Variants in DIS3L2 observed in about 807,000 individuals in gnomAD.
DIS3L2 encodes the protein DIS3 like 3'-5' exoribonuclease 2.
Under a neutral mutation model 97.5 loss-of-function variants are expected in DIS3L2, and 34 were observed. The observed-to-expected ratio is 0.35, with a 90% CI of 0.27 to 0.46. The LOEUF is 0.46. DIS3L2 is among the 20% of genes least tolerant of loss of function. The pLI, the probability that DIS3L2 is intolerant of heterozygous loss-of-function variation, is 1.00. For synonymous variants in DIS3L2, 435 were observed against 445.2 expected, an observed-to-expected ratio of 0.98 and a Z score of 0.29; for missense variants, 1,038 against 1,146.0, an observed-to-expected ratio of 0.91 and a Z score of 1.36.
At chr2:232,166,217 C>T (rs1690810683) in intron 9 of DIS3L2, among the ~76,000 whole-genome samples, 1 of 152,060 alleles carries the variant, frequency 6.6e-6, no homozygotes, top group Non-Finnish European at 1.5e-5. Flanking sequence ...TATAATCATG[C>T]CGCTACACTC....
chr2:232,266,523 T>C (rs1265736942), intron 13 of DIS3L2, among the ~76,000 whole-genome samples: 2 of 152,064 alleles, frequency 1.3e-5, no homozygotes, highest in Non-Finnish European at 2.9e-5. Flanking sequence ...ACCCTTGGAG[T>C]TGATTCCTTG....
At position 232,300,050 on chromosome 2, in the gene DIS3L2, C is replaced by T. The variant is rs749325957; in HGVS notation, c.1670C>T (p.Ala557Val). ...TCTCTCTCTCTTCAGCTAAAGCTTG[C>T]TTTCACTCTGGACCACGAGACCGGA... ...GALRLDQLKL[A>V]FTLDHETGLP... Residue 557 changes from alanine to valine, a missense_variant, in exon 14 of 21, where the codon GCT (alanine) becomes GTT (valine). This residue lies in a region of DIS3L2 where 813 missense variants were observed against 880.1 expected (regional missense o/e 0.92). Transcript: ENST00000325385. The T allele has an allele frequency of 6.2e-7, 1 of 1,613,624 alleles. No individual in the cohort carries two copies. The highest frequency in any genetic ancestry group is 2.2e-5 in the East Asian group (1 of 44,860).
At chr2:232,311,785 G>T (rs1268759290) in intron 14 of DIS3L2, among the ~76,000 whole-genome samples, 1 of 152,098 alleles carries the variant, frequency 6.6e-6, no homozygotes, top group African/African-American at 2.4e-5. Context: ...CTTTGCTGTT[G>T]CATCTATAGT....
At chr2:232,329,785 T>TCCCGGGGGGCCCCCCC in intron 14 of DIS3L2, 28 bp from the exon 15 acceptor site, 8 of 967,134 alleles carry the variant, frequency 8.3e-6, no homozygotes, top group East Asian at 3.1e-5. Flanking sequence ...ACCCCAGCGG[T>TCCCGGGGGGCCCCCCC]CCCTCCCATC....
At chr2:232,015,391 A>G (rs1177758045) in intron 2 of DIS3L2, 123 bp from the exon 3 acceptor site, 18 of 1,288,066 alleles carry the variant, frequency 1.4e-5, no homozygotes, top group Non-Finnish European at 1.9e-5. Context: ...AAAAATCACC[A>G]TCAGGGAGTT....
At chr2:232,261,511 G>A (rs978089738) in intron 12 of DIS3L2, among the ~76,000 whole-genome samples, 3 of 152,170 alleles carry the variant, frequency 2.0e-5, no homozygotes, top group Non-Finnish European at 4.4e-5. Context: ...AGAAGATGTT[G>A]CTGTTTGAGT....
At chr2:232,326,216 C>T (rs1559213938) in intron 14 of DIS3L2, among the ~76,000 whole-genome samples, 2 of 152,172 alleles carry the variant, frequency 1.3e-5, no homozygotes. Flanking sequence ...GCTGGCCCAC[C>T]AGGGAATTGA....
At chr2:232,127,109 C>T (rs569059836) in intron 6 of DIS3L2, among the ~76,000 whole-genome samples, 43 of 152,300 alleles carry the variant, frequency 2.8e-4, no homozygotes, top group African/African-American at 1.0e-3. Context: ...CATGGACTTG[C>T]ATTTCAATAT....
downstream of DIS3L2, among the ~76,000 whole-genome samples, chr2:232,339,126 G>A (rs186221856): frequency 5.1e-3 from 775 of 152,338 alleles, 11 homozygotes; most frequent in African/African-American, 0.018. Context: ...GCTCTCAAGA[G>A]TTTGCAGCCA....
intron 16 of DIS3L2, 80 bp from the exon 17 acceptor site, chr2:232,333,760 A>AAGT: frequency 2.1e-5 from 30 of 1,417,394 alleles, no homozygotes; most frequent in South Asian, 1.5e-4. Flanking sequence ...GCCGACGGTG[A>AAGT]GGCTGTGGGT....
intron 5 of DIS3L2, among the ~76,000 whole-genome samples, chr2:232,072,330 T>G (rs1696043244): frequency 6.6e-6 from 1 of 152,032 alleles, no homozygotes; most frequent in Non-Finnish European, 1.5e-5. Flanking sequence ...AATAGGGTGA[T>G]GAAAGAAGAC....
chr2:232,329,785 T>TGCCCGGGGGGGGGGCC, intron 14 of DIS3L2, 28 bp from the exon 15 acceptor site: 106 of 967,104 alleles, frequency 1.1e-4, no homozygotes, highest in Non-Finnish European at 1.4e-4. Context: ...ACCCCAGCGG[T>TGCCCGGGGGGGGGGCC]CCCTCCCATC....
chr2:232,046,990 C>A (rs1393582490), intron 5 of DIS3L2, among the ~76,000 whole-genome samples: 1 of 152,128 alleles, frequency 6.6e-6, no homozygotes, highest in African/African-American at 2.4e-5. Context: ...ACAATCATGT[C>A]ATTTCTGTCT....
intron 13 of DIS3L2, among the ~76,000 whole-genome samples, chr2:232,278,441 AT>A (rs1271158979): frequency 6.6e-6 from 1 of 152,072 alleles, no homozygotes; most frequent in Non-Finnish European, 1.5e-5. Flanking sequence ...ACCCCAGAAA[AT>A]TCCCACGTGC....
intron 14 of DIS3L2, 25 bp from the exon 15 acceptor site, chr2:232,329,788 C>CGGGGCG: frequency 6.5e-6 from 7 of 1,080,634 alleles, no homozygotes; most frequent in Non-Finnish European, 8.9e-6. Context: ...CCAGCGGTCC[C>CGGGGCG]TCCCATCCCA....
intron 10 of DIS3L2, among the ~76,000 whole-genome samples, chr2:232,232,272 C>T (rs1692814621): frequency 6.6e-6 from 1 of 152,100 alleles, no homozygotes; most frequent in Non-Finnish European, 1.5e-5. Flanking sequence ...GCCACAGAAG[C>T]CAGGTCTGGG....
At chr2:232,078,136 C>T (rs113447479) in intron 5 of DIS3L2, among the ~76,000 whole-genome samples, 13,565 of 151,172 alleles carry the variant, frequency 0.09, 1,338 homozygotes, top group African/African-American at 0.24. Context: ...CACCACCTCC[C>T]GGGTTCAAGT....
At chr2:232,242,108 G>T (rs1382837980) in intron 11 of DIS3L2, among the ~76,000 whole-genome samples, 1 of 152,230 alleles carries the variant, frequency 6.6e-6, no homozygotes, top group Non-Finnish European at 1.5e-5. Flanking sequence ...GTGTAGCAAA[G>T]AGTTGATCAA....
At chr2:232,085,088 AC>A (rs1696532607) in intron 5 of DIS3L2, among the ~76,000 whole-genome samples, 1 of 152,172 alleles carries the variant, frequency 6.6e-6, no homozygotes, top group South Asian at 2.1e-4. Flanking sequence ...AGAACATTAG[AC>A]CTATCAAATA....
Sources: gnomAD v4.1 joint callset for allele counts (sites outside exome capture counted in the v4.1 genomes callset) on GRCh38, gnomAD v4.1.1 for gene constraint, gnomAD v4.1.1 regional missense constraint, MANE v1.5 for transcripts, NCBI Gene and HGNC (gene_info 2026-07-23, HGNC 2026-07-21) for gene names.